Variants in AFG2A observed in about 807,000 individuals in gnomAD.
The protein encoded by AFG2A is AAA ATPase AFG2A, also known as ATPase family gene 2 protein homolog A.
At chr4:123,062,990 A>G in the AFG2A span, among the ~76,000 whole-genome samples, 3 of 152,210 alleles carry the variant, frequency 2.0e-5, no homozygotes, top group Middle Eastern at 3.2e-3. Flanking sequence ...TTTGCACTGA[A>G]TCTTATGTAG....
chr4:123,010,750 C>G, the AFG2A span, among the ~76,000 whole-genome samples: 1 of 152,218 alleles, frequency 6.6e-6, no homozygotes, highest in Non-Finnish European at 1.5e-5. Flanking sequence ...TTGCTTACTT[C>G]TGAGACTTGC....
At chr4:123,066,952 CT>C in the AFG2A span, among the ~76,000 whole-genome samples, 1 of 152,078 alleles carries the variant, frequency 6.6e-6, no homozygotes, top group East Asian at 1.9e-4. Context: ...TAACTAAGTA[CT>C]ATAGCATAAT....
the AFG2A span, among the ~76,000 whole-genome samples, chr4:123,158,026 TAC>T: frequency 6.6e-6 from 1 of 151,816 alleles, no homozygotes; most frequent in African/African-American, 2.4e-5. Flanking sequence ...CTTTTTCAAA[TAC>T]ACACACACAC....
At chr4:123,168,448 T>C in the AFG2A span, among the ~76,000 whole-genome samples, 1 of 152,190 alleles carries the variant, frequency 6.6e-6, no homozygotes, top group Non-Finnish European at 1.5e-5. Flanking sequence ...TATATTTTTA[T>C]ATAATTTTTT....
the AFG2A span, among the ~76,000 whole-genome samples, chr4:123,030,982 A>C: frequency 6.6e-5 from 10 of 152,270 alleles, no homozygotes; most frequent in African/African-American, 2.4e-4. Flanking sequence ...ATAGGTTTAA[A>C]ATTTTTTTAA....
At chr4:122,985,416 A>G in the AFG2A span, among the ~76,000 whole-genome samples, 2 of 152,142 alleles carry the variant, frequency 1.3e-5, no homozygotes, top group Non-Finnish European at 2.9e-5. Flanking sequence ...GGTGTGAGCC[A>G]CCGTGCCTGG....
At chr4:123,219,233 A>G in the AFG2A span, among the ~76,000 whole-genome samples, 1 of 152,236 alleles carries the variant, frequency 6.6e-6, no homozygotes, top group Non-Finnish European at 1.5e-5. Flanking sequence ...TATGATGTTC[A>G]GGAGTAGTAA....
At chr4:123,112,740 C>G in the AFG2A span, among the ~76,000 whole-genome samples, 1 of 152,002 alleles carries the variant, frequency 6.6e-6, no homozygotes, top group African/African-American at 2.4e-5. Flanking sequence ...AAAGCTTCTT[C>G]CAAAAGTATC....
the AFG2A span, among the ~76,000 whole-genome samples, chr4:123,033,611 T>G: frequency 6.6e-6 from 1 of 152,106 alleles, no homozygotes; most frequent in Non-Finnish European, 1.5e-5. Context: ...GAAATAGAAG[T>G]GCCTGGAAAA....
the AFG2A span, among the ~76,000 whole-genome samples, chr4:123,050,377 G>T: frequency 6.6e-6 from 1 of 152,120 alleles, no homozygotes; most frequent in East Asian, 1.9e-4. Flanking sequence ...TGAACTGTTT[G>T]TTGCTCAAAG....
the AFG2A span, among the ~76,000 whole-genome samples, chr4:122,972,800 A>G: frequency 6.6e-6 from 1 of 151,954 alleles, no homozygotes; most frequent in Non-Finnish European, 1.5e-5. Flanking sequence ...TATGATTTCA[A>G]TCCTTGAGTT....
chr4:123,026,788 C>A, the AFG2A span, among the ~76,000 whole-genome samples: 12 of 152,288 alleles, frequency 7.9e-5, no homozygotes, highest in African/African-American at 2.9e-4. Context: ...ATCACTCAGA[C>A]CCCAATCTTT....
At chr4:123,001,675 GT>G in the AFG2A span, among the ~76,000 whole-genome samples, 1 of 151,972 alleles carries the variant, frequency 6.6e-6, no homozygotes, top group Non-Finnish European at 1.5e-5. Flanking sequence ...GAGACAGTTT[GT>G]TATAATTTCT....
the AFG2A span, among the ~76,000 whole-genome samples, chr4:122,941,620 T>G: frequency 6.6e-6 from 1 of 152,200 alleles, no homozygotes; most frequent in Non-Finnish European, 1.5e-5. Flanking sequence ...CTGAATACCC[T>G]TTATTTCCTT....
At chr4:123,073,171 CT>C in the AFG2A span, among the ~76,000 whole-genome samples, 9 of 148,038 alleles carry the variant, frequency 6.1e-5, no homozygotes, top group Admixed American at 1.4e-4. Context: ...AATTCCTATT[CT>C]TTTTTTTTTA....
chr4:123,213,342 AAC>A, the AFG2A span, among the ~76,000 whole-genome samples: 4 of 152,158 alleles, frequency 2.6e-5, no homozygotes, highest in Admixed American at 1.3e-4. Flanking sequence ...TGCTCATGGA[AAC>A]ACACACAAGC....
the AFG2A span, among the ~76,000 whole-genome samples, chr4:123,109,666 T>G: frequency 2.0e-5 from 3 of 152,138 alleles, no homozygotes; most frequent in Non-Finnish European, 2.9e-5. Flanking sequence ...TACTCAGCTG[T>G]TTTTTTCTGA....
the AFG2A span, among the ~76,000 whole-genome samples, chr4:123,141,539 C>T: frequency 6.6e-6 from 1 of 152,282 alleles, no homozygotes; most frequent in East Asian, 1.9e-4. Context: ...TTGTTTTGCC[C>T]ACCTGTAGGC....
the AFG2A span, among the ~76,000 whole-genome samples, chr4:123,269,544 C>A: frequency 6.6e-6 from 1 of 152,148 alleles, no homozygotes; most frequent in African/African-American, 2.4e-5. Flanking sequence ...TATTAGTTTC[C>A]TTTTAAATGA....
Sources: allele counts gnomAD v4.1 joint callset (sites outside exome capture counted in the v4.1 genomes callset), GRCh38; gene constraint gnomAD v4.1.1; transcripts MANE v1.5; gene names NCBI Gene and HGNC (gene_info 2026-07-23, HGNC 2026-07-21).